Variants in SEL1L2 observed in about 807,000 individuals in gnomAD.
SEL1L2 encodes SEL1L2 adaptor subunit of SYVN1 ubiquitin ligase, also known as protein sel-1 homolog 2.
Under a neutral mutation model 98.8 loss-of-function variants are expected in SEL1L2, and 89 were observed. The observed-to-expected ratio is 0.90, with a 90% CI of 0.76 to 1.07. The LOEUF is 1.07. Ranked by LOEUF, SEL1L2 falls within the 50% of genes least tolerant of loss-of-function variation. The probability of loss-of-function intolerance (pLI) is 0.00; values close to 1 mark genes in which losing one functional copy is unlikely to be tolerated. For missense variants in SEL1L2, 788 were observed against 812.0 expected, an observed-to-expected ratio of 0.97 and a Z score of 0.36; for synonymous variants, 262 against 278.5, an observed-to-expected ratio of 0.94 and a Z score of 0.59.
intron 5 of SEL1L2, among the ~76,000 whole-genome samples, chr20:13,899,784 G>C (rs1380703566): frequency 6.6e-6 from 1 of 152,152 alleles, no homozygotes; most frequent in Admixed American, 6.5e-5. Context: ...AGGATAAGTA[G>C]GTAGAAAGTG....
chr20:13,921,853 G>C (rs563099383), intron 3 of SEL1L2, among the ~76,000 whole-genome samples: 1 of 152,006 alleles, frequency 6.6e-6, no homozygotes, highest in Non-Finnish European at 1.5e-5. Flanking sequence ...GATTTGGAAC[G>C]TCATTTACTA....
At chr20:13,928,066 A>G (rs149584123) in intron 3 of SEL1L2, 13 of 152,350 alleles carry the variant, frequency 8.5e-5, no homozygotes, top group African/African-American at 1.4e-4. Context: ...ACAATTTTTA[A>G]TGGTCACCTT....
chr20:13,984,674 C>G (rs1390115346), intron 1 of SEL1L2, among the ~76,000 whole-genome samples: 2 of 151,676 alleles, frequency 1.3e-5, no homozygotes, highest in Non-Finnish European at 2.9e-5. Context: ...CTCTCTTCCT[C>G]CCTCCCTTCC....
intron 2 of SEL1L2, among the ~76,000 whole-genome samples, chr20:13,936,346 C>G (rs918812936): frequency 6.6e-6 from 1 of 152,146 alleles, no homozygotes; most frequent in Non-Finnish European, 1.5e-5. Flanking sequence ...GAAAGCCCAC[C>G]AGGTTAGGAG....
At chr20:13,904,931 G>A (rs747864123) in intron 5 of SEL1L2, among the ~76,000 whole-genome samples, 8 of 152,082 alleles carry the variant, frequency 5.3e-5, no homozygotes, top group East Asian at 1.9e-4. Context: ...CCTTTTGTGC[G>A]GTGCCTGGCA....
At chr20:13,870,477 C>T (rs2046132825) in intron 12 of SEL1L2, among the ~76,000 whole-genome samples, 1 of 152,274 alleles carries the variant, frequency 6.6e-6, no homozygotes, top group South Asian at 2.1e-4. Flanking sequence ...ATAGTAGGCA[C>T]TGGGCAGAGG....
intron 13 of SEL1L2, 108 bp from the exon 14 acceptor site, chr20:13,869,698 G>T: frequency 1.4e-6 from 1 of 726,062 alleles, no homozygotes. Flanking sequence ...TGTGATTTAG[G>T]GTAATTAAAA....
intron 12 of SEL1L2, among the ~76,000 whole-genome samples, chr20:13,872,810 G>A (rs1030337112): frequency 6.6e-6 from 1 of 152,010 alleles, no homozygotes; most frequent in Non-Finnish European, 1.5e-5. Flanking sequence ...ACACCTGCAG[G>A]AACCATGCCG....
intron 9 of SEL1L2, 43 bp from the exon 10 acceptor site, chr20:13,885,446 C>A: frequency 7.8e-7 from 1 of 1,277,540 alleles, no homozygotes; most frequent in Non-Finnish European, 1.1e-6. Context: ...AGCAGTATTA[C>A]TTTAAATAAA....
intron 4 of SEL1L2, among the ~76,000 whole-genome samples, chr20:13,918,606 C>G (rs1275248921): frequency 6.6e-6 from 1 of 152,194 alleles, no homozygotes; most frequent in South Asian, 2.1e-4. Flanking sequence ...CATGGAATCA[C>G]ATACATGAAA....
At chr20:13,945,093 A>G (rs1160501340) in intron 2 of SEL1L2, among the ~76,000 whole-genome samples, 1 of 152,238 alleles carries the variant, frequency 6.6e-6, no homozygotes, top group Non-Finnish European at 1.5e-5. Flanking sequence ...GGTTTTACCA[A>G]TAAATGAAAT....
intron 17 of SEL1L2, 133 bp from the exon 18 acceptor site, chr20:13,859,567 C>G: frequency 1.4e-6 from 1 of 695,304 alleles, no homozygotes; most frequent in Non-Finnish European, 2.4e-6. Flanking sequence ...AAAAAGGAAC[C>G]AAAAACACTC....
intron 1 of SEL1L2, among the ~76,000 whole-genome samples, chr20:13,988,551 A>C (rs1434409548): frequency 5.3e-5 from 8 of 152,328 alleles, no homozygotes; most frequent in Non-Finnish European, 1.0e-4. Context: ...CTATCTTCAC[A>C]TCAGGACCAT....
At chr20:13,887,569 G>A (rs2047013390) in intron 8 of SEL1L2, among the ~76,000 whole-genome samples, 200 bp downstream of exon 8, 2 of 152,034 alleles carry the variant, frequency 1.3e-5, no homozygotes, top group African/African-American at 4.8e-5. Flanking sequence ...TAAAAAATGA[G>A]TATAATCTTT....
chr20:13,953,184 G>C (rs1227235328), intron 2 of SEL1L2, among the ~76,000 whole-genome samples: 1 of 152,110 alleles, frequency 6.6e-6, no homozygotes, highest in Non-Finnish European at 1.5e-5. Context: ...CGGGCTTTTG[G>C]CCTCCCTCTC....
At chr20:13,916,764 C>T (rs933467458) in intron 4 of SEL1L2, among the ~76,000 whole-genome samples, 1 of 152,044 alleles carries the variant, frequency 6.6e-6, no homozygotes, top group Non-Finnish European at 1.5e-5. Context: ...TGAGATTGTG[C>T]CACTGCATTC....
At chr20:13,969,866 C>T (rs1464076544) in intron 1 of SEL1L2, among the ~76,000 whole-genome samples, 1 of 152,122 alleles carries the variant, frequency 6.6e-6, no homozygotes, top group Non-Finnish European at 1.5e-5. Flanking sequence ...GCCTTCCTAC[C>T]TGTAGGTCTC....
intron 2 of SEL1L2, among the ~76,000 whole-genome samples, chr20:13,949,453 A>T (rs770244711): frequency 3.3e-5 from 5 of 152,290 alleles, no homozygotes; most frequent in Non-Finnish European, 5.9e-5. Context: ...TCACGAGGTC[A>T]GGAGATCAAG....
intron 1 of SEL1L2, 131 bp downstream of exon 1, chr20:13,990,346 C>G (rs2052481255): frequency 1.5e-6 from 1 of 671,336 alleles, no homozygotes. Context: ...TTTAAAGTAC[C>G]TGTACAAAAA....
Sources: gnomAD v4.1 joint callset for allele counts (sites outside exome capture counted in the v4.1 genomes callset) on GRCh38, gnomAD v4.1.1 for gene constraint, MANE v1.5 for transcripts, NCBI Gene and HGNC (gene_info 2026-07-23, HGNC 2026-07-21) for gene names.